PHACTR2: variants seen among roughly 807,000 people sequenced by gnomAD.
The protein encoded by PHACTR2 is chromosome 6 open reading frame 56.
Under a neutral mutation model 76.0 loss-of-function variants are expected in PHACTR2, and 30 were observed. That is an observed-to-expected ratio of 0.39 (90% CI 0.30 to 0.54). The LOEUF is 0.54. Among genes scored for constraint, PHACTR2 ranks in the 20% least tolerant of loss-of-function variants. PHACTR2 has a pLI of 0.61. For missense variants in PHACTR2, 696 were observed against 781.1 expected (o/e 0.89, Z 1.30); for synonymous variants, 292 against 292.5 (o/e 1.00, Z 0.02).
At chr6:143,704,101 G>GTGTGTGTGTC (rs1404222402) in intron 1 of PHACTR2, among the ~76,000 whole-genome samples, 48 of 151,380 alleles carry the variant, frequency 3.2e-4, no homozygotes, top group Admixed American at 7.9e-4. Flanking sequence ...GTGTCTGTGT[G>GTGTGTGTGTC]TGTGTGTGTG....
At chr6:143,771,217 T>TATATATATATATACAC in intron 6 of PHACTR2, among the ~76,000 whole-genome samples, 1 of 109,104 alleles carries the variant, frequency 9.2e-6, no homozygotes, top group South Asian at 2.9e-4. Context: ...TATATATATA[T>TATATATATATATACAC]ATATATATAT....
upstream of PHACTR2, among the ~76,000 whole-genome samples, chr6:143,605,613 G>A (rs554634968): frequency 1.2e-4 from 19 of 152,274 alleles, no homozygotes; most frequent in East Asian, 7.7e-4. This position sits in a 1 kb window ranked among gnomAD's most constrained non-coding sequence, Gnocchi z 5.0. Context: ...TTAGGTCCTC[G>A]GCAATGAATG....
At chr6:143,691,244 G>C (rs1315560540) in intron 1 of PHACTR2, among the ~76,000 whole-genome samples, 1 of 151,788 alleles carries the variant, frequency 6.6e-6, no homozygotes, top group Admixed American at 6.6e-5. Flanking sequence ...AACAAAAATA[G>C]TAAGTCAAAC....
intron 11 of PHACTR2, among the ~76,000 whole-genome samples, chr6:143,805,094 C>T (rs1050711484): frequency 1.3e-5 from 2 of 152,090 alleles, no homozygotes; most frequent in African/African-American, 4.8e-5. Flanking sequence ...CCCAGTGGAC[C>T]GCTTTTCACT....
Position 143,697,404 on chromosome 6 carries a change from A to C in PHACTR2, c.47-14612A>C, listed in dbSNP as rs1777797880. Reference sequence around the variant, plus strand: ...TTAACAAAGAGAGTGCTCTTGAAGAAATTAATTTTCACCACTCATCACCGG... The same window carrying C: ...TTAACAAAGAGAGTGCTCTTGAAGACATTAATTTTCACCACTCATCACCGG... On this transcript the variant is annotated intron_variant, in intron 1 of 12. Coordinates refer to ENST00000440869, the MANE Select transcript of PHACTR2 (RefSeq NM_001100164.2). This position sits in a 1 kb window ranked among gnomAD's most constrained non-coding sequence, Gnocchi z 4.4. Among the ~76,000 whole-genome samples, 2 of 152,244 alleles carry C rather than the reference A, an allele frequency of 1.3e-5. No homozygotes were observed. Among genetic ancestry groups the C allele is most frequent in the Non-Finnish European group, 2.9e-5 (2 of 68,038 alleles).
intron 10 of PHACTR2, among the ~76,000 whole-genome samples, chr6:143,785,700 T>C (rs1304356847): frequency 6.6e-6 from 1 of 152,072 alleles, no homozygotes; most frequent in Non-Finnish European, 1.5e-5. Context: ...TAGACAGAGG[T>C]TCCCAAACCT....
In PHACTR2 at chr6:143,712,157, G is replaced by A. The variant is rs554733689; in HGVS notation, c.188G>A (p.Ser63Asn). The change falls in exon 2 of 13, where the codon AGC (serine) becomes AAC (asparagine). Residue 63 changes from serine (S) to asparagine (N), a missense_variant. Ser to Asn is a conservative substitution (Grantham distance 46, BLOSUM62 1). This residue lies in a region of PHACTR2 where 460 missense variants were observed against 450.9 expected (regional missense o/e 1.02). Coordinates refer to ENST00000440869, the MANE Select transcript of PHACTR2 (RefSeq NM_001100164.2). Reference protein sequence around the residue: ...KPWKWRKKKTSDKFRETSAVL... With the variant: ...KPWKWRKKKTNDKFRETSAVL... ...TGGAAATGGAGGAAAAAGAAGACCA[G>A]CGACAAATTTAGAGAAACCTCGGCA... 4 of 1,545,542 alleles carry A rather than the reference G, an allele frequency of 2.6e-6. No individual in the cohort carries two copies. The East Asian group carries it at 9.3e-5, about 36-fold the overall frequency.
In PHACTR2 at chr6:143,627,462, G is replaced by A. The variant is rs1776280192; in HGVS notation, c.13+19140G>A. Among the ~76,000 whole-genome samples the A allele has an allele frequency of 6.6e-6, 1 of 152,254 alleles. No individual in the cohort carries two copies. Among genetic ancestry groups the A allele is most frequent in the Non-Finnish European group, 1.5e-5 (1 of 68,020 alleles). Reference sequence around the variant, plus strand: ...GGTAATATACTCAGCTACTACGTCAGGTAGCCTTGCGGAATTCAAGAGTCT... The same window carrying A: ...GGTAATATACTCAGCTACTACGTCAAGTAGCCTTGCGGAATTCAAGAGTCT... On this transcript the variant is annotated intron_variant, in intron 1 of 11. Coordinates refer to the PHACTR2 transcript ENST00000305766. The surrounding 1 kb of genome is among the most constrained non-coding windows in gnomAD (Gnocchi z 4.3).
intron 2 of PHACTR2, among the ~76,000 whole-genome samples, chr6:143,736,867 T>G (rs553826560): frequency 6.6e-6 from 1 of 151,666 alleles, no homozygotes; most frequent in Non-Finnish European, 1.5e-5. Flanking sequence ...AGCCAACACG[T>G]CCGGCCTACA....
chr6:143,782,614 T>G lies in PHACTR2; in HGVS notation c.1646-605T>G, dbSNP rs968422839. On this transcript the variant is annotated intron_variant, in intron 9 of 12. Transcript: ENST00000440869. The surrounding 1 kb of genome is among the most constrained non-coding windows in gnomAD (Gnocchi z 4.6). The stretch of plus-strand genomic sequence containing the variant: ...GCAAAGTCACAAGAAAATAAATAAT[T>G]TCCACCCAGAGTACATCATAACCTC... Among the ~76,000 whole-genome samples, 7 of 152,178 alleles carry G rather than the reference T, an allele frequency of 4.6e-5. No individual in the cohort carries two copies. Among genetic ancestry groups the G allele is most frequent in the African/African-American group, 1.7e-4 (7 of 41,436 alleles).
At chr6:143,703,526 A>G (rs1438999116) in intron 1 of PHACTR2, among the ~76,000 whole-genome samples, 1 of 152,252 alleles carries the variant, frequency 6.6e-6, no homozygotes, top group African/African-American at 2.4e-5. Flanking sequence ...GGTTACGAGC[A>G]ATCTTCCTCC....
At chr6:143,607,306 T>C (rs1019983433), upstream of PHACTR2, among the ~76,000 whole-genome samples, 28 of 152,260 alleles carry the variant, frequency 1.8e-4, no homozygotes, top group South Asian at 2.1e-4. Context: ...CCCCAGCATC[T>C]AATGTCATGA....
At chr6:143,770,110 T>C (rs1024609487) in intron 6 of PHACTR2, among the ~76,000 whole-genome samples, 2 of 152,180 alleles carry the variant, frequency 1.3e-5, no homozygotes, top group African/African-American at 2.4e-5. Context: ...TGTGTATTGA[T>C]TGGTGAATGG....
rs1399151392 is a variant in PHACTR2 at position 143,784,609 on chromosome 6, T to C, written c.1707+1329T>C. On this transcript the variant is annotated intron_variant, in intron 10 of 12. Transcript: ENST00000440869. This position sits in a 1 kb window ranked among gnomAD's most constrained non-coding sequence, Gnocchi z 4.5. ...TATGTTGAAAGTGTTTGGTTCTGTTTTTCAAGGAAAAACATCCTTAATTTA... is the reference window on the plus strand; with the variant it reads ...TATGTTGAAAGTGTTTGGTTCTGTTCTTCAAGGAAAAACATCCTTAATTTA... Among the ~76,000 whole-genome samples the C allele has an allele frequency of 6.6e-6, 1 of 152,198 alleles. No individual in the cohort carries two copies. Among genetic ancestry groups the C allele is most frequent in the Non-Finnish European group, 1.5e-5 (1 of 68,038 alleles).
chr6:143,703,156 TAAAAAAAA>T (rs57738495), intron 1 of PHACTR2, among the ~76,000 whole-genome samples: 60 of 91,122 alleles, frequency 6.6e-4, no homozygotes, highest in African/African-American at 2.3e-3. Context: ...AAAAAATTAC[TAAAAAAAA>T]AAAAAAAAAA....
At chr6:143,790,798 C>T (rs1053714072) in intron 11 of PHACTR2, among the ~76,000 whole-genome samples, 3 of 152,024 alleles carry the variant, frequency 2.0e-5, no homozygotes, top group African/African-American at 7.2e-5. Context: ...TTCAGCCTCC[C>T]GAGTGGCTGG....
intron 2 of PHACTR2, among the ~76,000 whole-genome samples, chr6:143,732,469 T>C (rs1373919631): frequency 6.6e-6 from 1 of 152,278 alleles, no homozygotes; most frequent in Non-Finnish European, 1.5e-5. Flanking sequence ...CATTTCATTA[T>C]CAAATACCAA....
At position 143,757,281 on chromosome 6, in the gene PHACTR2, C is replaced by G. The variant is rs907563176; in HGVS notation, c.455-3120C>G. ...CTTAAGAGCATGACCTGTGAGGAGA[C>G]CAGAATGCAAACGGGCAATTGTAGT... On this transcript the variant is annotated intron_variant, in intron 4 of 12. Transcript: ENST00000440869. This position sits in a 1 kb window ranked among gnomAD's most constrained non-coding sequence, Gnocchi z 4.2. Among the ~76,000 whole-genome samples the G allele has an allele frequency of 1.3e-5, 2 of 152,104 alleles. No individual in the cohort carries two copies. Among genetic ancestry groups the G allele is most frequent in the Non-Finnish European group, 2.9e-5 (2 of 68,034 alleles).
At chr6:143,574,131 C>T (rs1055009764) in intron 1 of PHACTR2, among the ~76,000 whole-genome samples, 6 of 152,312 alleles carry the variant, frequency 3.9e-5, no homozygotes, top group Non-Finnish European at 5.9e-5. Context: ...GGATTCAGTT[C>T]GTGCAGCTGT....
Sources: allele counts gnomAD v4.1 joint callset (sites outside exome capture counted in the v4.1 genomes callset), GRCh38; gene constraint gnomAD v4.1.1; regional missense constraint gnomAD v4.1.1; non-coding constraint Gnocchi (gnomAD v3.1); transcripts MANE v1.5; gene names NCBI Gene and HGNC (gene_info 2026-07-23, HGNC 2026-07-21).